The following PCDHGA6 variants were observed in gnomAD, a reference collection of about 807,000 sequenced individuals.
PCDHGA6 encodes the protein protocadherin gamma-A6.
PCDHGA6 carries 41 observed loss-of-function variants against 60.6 expected under a neutral mutation model. That is an observed-to-expected ratio of 0.68 (90% CI 0.53 to 0.88). PCDHGA6 has a LOEUF of 0.88. Among genes scored for constraint, PCDHGA6 ranks in the 40% least tolerant of loss-of-function variants. The pLI, the probability that PCDHGA6 is intolerant of heterozygous loss-of-function variation, is 0.00. For synonymous variants in PCDHGA6, 594 were observed against 524.4 expected (o/e 1.13, Z -1.81); for missense variants, 1,312 against 1,203.0 (o/e 1.09, Z -1.34).
intron 1 of PCDHGA6, among the ~76,000 whole-genome samples, chr5:141,475,204 A>G (rs2099360413): frequency 6.6e-6 from 1 of 152,176 alleles, no homozygotes; most frequent in African/African-American, 2.4e-5. Flanking sequence ...AGATCTTGGG[A>G]AAAGGATTGA....
chr5:141,402,223 T>C (rs1329025694), intron 1 of PCDHGA6, among the ~76,000 whole-genome samples: 1 of 152,054 alleles, frequency 6.6e-6, no homozygotes, highest in Non-Finnish European at 1.5e-5. Context: ...AAATAAACGT[T>C]TTTCCAGGAA....
intron 1 of PCDHGA6, chr5:141,378,871 A>G (rs1775219585): frequency 1.3e-5 from 2 of 152,236 alleles, no homozygotes; most frequent in East Asian, 3.9e-4. Flanking sequence ...TCGAATAGAA[A>G]ATGGATCACT....
rs561648427 is a variant in PCDHGA6, at chr5:141,379,679, T to G, written c.2424+3172T>G. The stretch of plus-strand genomic sequence containing the variant: ...TACTCTCACAAAAGTCATTCACTCA[T>G]GTGGACTGACCAACTGTTAAACATC... On this transcript the variant is annotated intron_variant, in intron 1 of 3. Coordinates refer to ENST00000517434, the MANE Select transcript of PCDHGA6 (RefSeq NM_018919.3). 2.0e-5 allele frequency: 3 copies of G among 152,260 alleles called. No individual in the cohort carries two copies. The South Asian group carries it at 6.2e-4, about 32-fold the overall frequency. The allele number at this position is 152,260 out of a possible 1,614,324, so 9.4% of individuals were successfully genotyped here. A position where few individuals can be genotyped will look rare whatever the true frequency, so the allele number is the denominator to read the frequency against.
rs1376914747 is a variant in PCDHGA6, at chr5:141,432,008, A to T, written c.2424+55501A>T. On this transcript the variant is annotated intron_variant, in intron 1 of 3. Coordinates refer to ENST00000517434, the MANE Select transcript of PCDHGA6 (RefSeq NM_018919.3). This position sits in a 1 kb window ranked among gnomAD's most constrained non-coding sequence, Gnocchi z 6.0. ...AGTCTTGGATAGGGAACAGGTTCCT[A>T]GCTACAACATCACAGTGACCGCCAC... 1 of 1,614,200 alleles carries T rather than the reference A, an allele frequency of 6.2e-7. No homozygotes were observed. The highest frequency in any genetic ancestry group is 2.2e-5 in the East Asian group (1 of 44,888).
In PCDHGA6 at chr5:141,477,963, A is replaced by C; in HGVS notation, c.2425-16844A>C. ...TACAGTCTCTTGGGATCCCCTAACC[A>C]GAGCCTTTTTGCCATAGGGCTGCAC... On this transcript the variant is annotated intron_variant, in intron 1 of 3. Coordinates refer to ENST00000517434, the MANE Select transcript of PCDHGA6 (RefSeq NM_018919.3). The surrounding 1 kb of genome is among the most constrained non-coding windows in gnomAD (Gnocchi z 4.9). The C allele has an allele frequency of 1.2e-6, 2 of 1,614,118 alleles. No individual in the cohort carries two copies. The highest frequency in any genetic ancestry group is 1.7e-6 in the Non-Finnish European group (2 of 1,180,024).
chr5:141,393,799 G>C lies in PCDHGA6; in HGVS notation c.2424+17292G>C, dbSNP rs2092846945. ...GCCGAAGATGTGGGGGCACTTCTGG[G>C]GAGGACCAAATTGCTCATTTCGGTG... On this transcript the variant is annotated intron_variant, in intron 1 of 3. Transcript: ENST00000517434. 2.5e-6 allele frequency: 4 copies of C among 1,613,802 alleles called. No homozygotes were observed. The highest frequency in any genetic ancestry group is 2.5e-6 in the Non-Finnish European group (3 of 1,179,888).
chr5:141,428,131 G>T, intron 1 of PCDHGA6: 1 of 1,602,720 alleles, frequency 6.2e-7, no homozygotes, highest in Non-Finnish European at 8.5e-7. Flanking sequence ...GGGCTTTTCA[G>T]CCTGGGGCTG....
In PCDHGA6 at chr5:141,497,558, TA is replaced by T. The variant is rs543126612; in HGVS notation, c.2483+2694del. 6.7e-3 allele frequency among the ~76,000 whole-genome samples: 979 copies of T among 145,038 alleles called. 16 individuals carry two copies. Among genetic ancestry groups the T allele is most frequent in the African/African-American group, 0.024 (931 of 38,872 alleles). On this transcript the variant is annotated intron_variant, in intron 2 of 3. Coordinates refer to ENST00000517434, the MANE Select transcript of PCDHGA6 (RefSeq NM_018919.3). The stretch of plus-strand genomic sequence containing the variant: ...AACAAACCTTTTTTTTTTTTTTTTT[TA>T]GACAGAGTCTTGCTCTGTTGCCCAA...
At chr5:141,389,638 T>C in intron 1 of PCDHGA6, 1 of 1,612,986 alleles carries the variant, frequency 6.2e-7, no homozygotes, top group Non-Finnish European at 8.5e-7. Flanking sequence ...CCTGGCTACT[T>C]GGTGACCAAG....
rs369940443 is a variant in PCDHGA6, at chr5:141,477,841, C to G, written c.2425-16966C>G. 6.2e-7 allele frequency: 1 copy of G among 1,613,308 alleles called. No individual in the cohort carries two copies. The highest frequency in any genetic ancestry group is 1.3e-5 in the African/African-American group (1 of 74,700). On this transcript the variant is annotated intron_variant, in intron 1 of 3. Coordinates refer to ENST00000517434, the MANE Select transcript of PCDHGA6 (RefSeq NM_018919.3). The surrounding 1 kb of genome is among the most constrained non-coding windows in gnomAD (Gnocchi z 4.9). ...TCCTATATCCTCGGCCAGGTGGGAG[C>G]TCGGTGGAGATGCTGCCTCGAGGTA...
At chr5:141,464,944 G>T (rs1379789566) in intron 1 of PCDHGA6, among the ~76,000 whole-genome samples, 1 of 151,826 alleles carries the variant, frequency 6.6e-6, no homozygotes, top group African/African-American at 2.4e-5. Context: ...GTCTCACTAT[G>T]TTGCCCAGGC....
chr5:141,467,371 A>G, intron 1 of PCDHGA6, among the ~76,000 whole-genome samples: 1 of 151,906 alleles, frequency 6.6e-6, no homozygotes, highest in Non-Finnish European at 1.5e-5. Context: ...GTTTTCTTAT[A>G]TTGCATTTAG....
At chr5:141,407,874 T>C (rs2094995185) in intron 1 of PCDHGA6, 1 of 358,496 alleles carries the variant, frequency 2.8e-6, no homozygotes, top group South Asian at 5.6e-5. Context: ...GAAGAATATA[T>C]ACATTTCGGA....
intron 2 of PCDHGA6, 91 bp from the exon 3 acceptor site, chr5:141,505,302 G>T: frequency 6.3e-7 from 1 of 1,592,714 alleles, no homozygotes; most frequent in Non-Finnish European, 8.5e-7. Context: ...TAGGGTTAGG[G>T]TACTAGGTTT....
At chr5:141,497,820 G>A (rs1595489288) in intron 2 of PCDHGA6, among the ~76,000 whole-genome samples, 1 of 152,226 alleles carries the variant, frequency 6.6e-6, no homozygotes, top group Admixed American at 6.5e-5. Flanking sequence ...AATTACAGGT[G>A]TGATCGCCCC....
At chr5:141,379,981 C>T (rs968805615) in intron 1 of PCDHGA6, among the ~76,000 whole-genome samples, 16 of 135,132 alleles carry the variant, frequency 1.2e-4, no homozygotes, top group Non-Finnish European at 2.3e-4. Context: ...CTCACTGCAA[C>T]TTCCTCCTCC....
chr5:141,459,757 G>A (rs1360124889), intron 1 of PCDHGA6, among the ~76,000 whole-genome samples: 3 of 152,162 alleles, frequency 2.0e-5, no homozygotes, highest in Admixed American at 2.0e-4. Context: ...ATTCTAGTGG[G>A]TGTGTGATAC....
In PCDHGA6 at chr5:141,374,332, C is replaced by T. The variant is rs759827582; in HGVS notation, c.249C>T (p.Ser83=). The part of the protein sequence containing the change: ...QLFSLNPRNG[S]LVTAGRIDRE... ...TCTCTCTGAATCCGCGAAACGGCAG[C>T]TTGGTCACCGCGGGTAGGATAGACC... is the stretch of plus-strand genomic sequence containing the variant. The change falls in exon 1 of 4, where the codon AGC becomes AGT. Residue 83 remains serine, a synonymous_variant. Transcript: ENST00000517434. The T allele has an allele frequency of 1.9e-6, 3 of 1,613,984 alleles. No individual in the cohort carries two copies. Among genetic ancestry groups the T allele is most frequent in the South Asian group, 2.2e-5 (2 of 91,082 alleles).
intron 1 of PCDHGA6, chr5:141,389,114 C>A: frequency 1.2e-6 from 2 of 1,614,004 alleles, no homozygotes; most frequent in Non-Finnish European, 1.7e-6. Flanking sequence ...TTCTAGACCG[C>A]GAGCAGAATC....
Sources: gnomAD v4.1 joint callset for allele counts (sites outside exome capture counted in the v4.1 genomes callset) on GRCh38, gnomAD v4.1.1 for gene constraint, Gnocchi (gnomAD v3.1) non-coding constraint, MANE v1.5 for transcripts, NCBI Gene and HGNC (gene_info 2026-07-23, HGNC 2026-07-21) for gene names.